The following COL18A1 variants were observed in gnomAD, a reference collection of about 807,000 sequenced individuals.
The protein encoded by COL18A1 is collagen alpha-1(XVIII) chain.
COL18A1 carries 133 observed loss-of-function variants against 168.0 expected under a neutral mutation model. That is an observed-to-expected ratio of 0.79 (90% CI 0.69 to 0.91). The LOEUF (loss-of-function observed/expected upper bound fraction) is 0.91, where lower values mean the gene tolerates loss of function less well. Among genes scored for constraint, COL18A1 ranks in the 40% least tolerant of loss-of-function variants. COL18A1 has a pLI of 0.00. For missense variants in COL18A1, 2,126 were observed against 1,925.4 expected (o/e 1.10, Z -1.95); for synonymous variants, 949 against 809.0 (o/e 1.17, Z -2.94).
intron 1 of COL18A1, 54 bp from the exon 2 acceptor site, chr21:45,405,304 GGTCGCGGGGCTCGGCCGGGTC>G (rs1450997104): frequency 2.6e-4 from 210 of 821,274 alleles, no homozygotes; most frequent in East Asian, 1.2e-3. Flanking sequence ...GGGTCGCGGG[GGTCGCGGGGCTCGGCCGGGTC>G]CTGCGGGGGT....
At chr21:45,430,727 C>T (rs888163516) in intron 2 of COL18A1, among the ~76,000 whole-genome samples, 22 of 152,142 alleles carry the variant, frequency 1.4e-4, no homozygotes, top group African/African-American at 4.6e-4. Context: ...CAGGAGGCTG[C>T]ACTGCAAGGG....
chr21:45,489,708 C>G (rs2036231886), intron 19 of COL18A1, among the ~76,000 whole-genome samples, 187 bp downstream of exon 19: 2 of 151,922 alleles, frequency 1.3e-5, no homozygotes, highest in African/African-American at 4.8e-5. Flanking sequence ...GGCACCCAAC[C>G]CCAGGGCACC....
In COL18A1 at chr21:45,468,965, C is replaced by T. The variant is rs116310358; in HGVS notation, c.651+179C>T. 0.028 allele frequency among the ~76,000 whole-genome samples: 4,206 copies of T among 152,258 alleles called. 206 individuals are homozygous for T. The highest frequency in any genetic ancestry group is 0.096 in the African/African-American group (3,976 of 41,532). On this transcript the variant is annotated intron_variant, in intron 3 of 41. Transcript: ENST00000651438. ...TTCTTGGCTGCTCAGCCCTGGCCTCCGGCGCAGGCCTCCCGGGTTCTTGGC... is the reference window on the plus strand; with the variant it reads ...TTCTTGGCTGCTCAGCCCTGGCCTCTGGCGCAGGCCTCCCGGGTTCTTGGC...
intron 37 of COL18A1, 100 bp downstream of exon 37, chr21:45,506,066 G>A (rs1602622893): frequency 1.3e-6 from 2 of 1,568,446 alleles, no homozygotes; most frequent in South Asian, 1.1e-5. Flanking sequence ...ACAGGGATGG[G>A]AGCAGGTGGC....
intron 2 of COL18A1, among the ~76,000 whole-genome samples, chr21:45,413,233 G>C (rs1477289627): frequency 6.6e-6 from 1 of 152,244 alleles, no homozygotes; most frequent in South Asian, 2.1e-4. Context: ...CACAGCTTTT[G>C]TGCTGCTTCT....
At chr21:45,483,128 G>T (rs2035957658) in intron 15 of COL18A1, among the ~76,000 whole-genome samples, 1 of 152,270 alleles carries the variant, frequency 6.6e-6, no homozygotes, top group Non-Finnish European at 1.5e-5. Flanking sequence ...AGCTCCGTGT[G>T]GCAAGCGCGA....
At chr21:45,500,300 ATG>A (rs1178300620) in intron 32 of COL18A1, among the ~76,000 whole-genome samples, 5 of 24,300 alleles carry the variant, frequency 2.1e-4, no homozygotes, top group Non-Finnish European at 3.7e-4. Context: ...TGGAGTGTAT[ATG>A]TGGGTGTGTA....
intron 2 of COL18A1, among the ~76,000 whole-genome samples, chr21:45,428,586 T>C (rs540475301): frequency 1.9e-4 from 29 of 152,278 alleles, no homozygotes; most frequent in African/African-American, 7.0e-4. Context: ...TCTAGAACAT[T>C]CACACGCCGG....
At chr21:45,495,331 G>A (rs1311425122) in intron 28 of COL18A1, 27 bp from the exon 29 acceptor site, 2 of 1,584,804 alleles carry the variant, frequency 1.3e-6, no homozygotes, top group Non-Finnish European at 1.7e-6. Context: ...GTGCCCAGCA[G>A]TCCCCACCCC....
rs945170424 is a variant in COL18A1 at position 45,477,972 on chromosome 21, C to T, written c.1221+7C>T. ...TGGAAGGGACGGCGAGCCGGTGAGT[C>T]CTCACGTCCCCCCGAGTCCGGCCCG... On this transcript the variant is annotated splice_region_variant and intron_variant, in intron 8 of 41. Transcript: ENST00000651438. 7.0e-7 allele frequency: 1 copy of T among 1,418,564 alleles called. No individual in the cohort carries two copies. Among genetic ancestry groups the T allele is most frequent in the Non-Finnish European group, 9.7e-7 (1 of 1,028,010 alleles). The allele number at this position is 1,418,564 out of a possible 1,614,324, so 87.9% of individuals were successfully genotyped here. A position where few individuals can be genotyped will look rare whatever the true frequency, so the allele number is the denominator to read the frequency against.
Position 45,464,281 on chromosome 21 carries a change from T to A in COL18A1, c.107-3961T>A, listed in dbSNP as rs547569497. ...CCAGGATGGGATTTTGGGGATGAGA[T>A]CTTCCTGGTGGGCTGGAGTCTGTCC... On this transcript the variant is annotated intron_variant, in intron 2 of 41. Coordinates refer to ENST00000651438, the MANE Select transcript of COL18A1 (RefSeq NM_001379500.1). Among the ~76,000 whole-genome samples the A allele has an allele frequency of 3.3e-5, 5 of 152,198 alleles. No individual in the cohort carries two copies. The South Asian group carries it at 1.0e-3, about 32-fold the overall frequency.
At position 45,491,240 on chromosome 21, in the gene COL18A1, G is replaced by T. The variant is rs1281494776; in HGVS notation, c.2083G>T (p.Asp695Tyr). Residue 695 changes from aspartate to tyrosine, a missense_variant, in exon 22 of 42, where the codon GAC becomes TAC. Transcript: ENST00000651438. ...SRGEKGDPGK[D>Y]GVGQPGLPGP... Reference sequence around the variant, plus strand: ...CCTCTTCCAGGGAGATCCAGGGAAGGACGGAGTCGGGCAGCCGGGCCTCCC... The same window carrying T: ...CCTCTTCCAGGGAGATCCAGGGAAGTACGGAGTCGGGCAGCCGGGCCTCCC... 1 of 1,612,408 alleles carries T rather than the reference G, an allele frequency of 6.2e-7. No individual in the cohort carries two copies. Among genetic ancestry groups the T allele is most frequent in the Non-Finnish European group, 8.5e-7 (1 of 1,179,680 alleles).
Position 45,510,211 on chromosome 21 carries a change from A to G in COL18A1, c.3643A>G (p.Ser1215Gly). ...FLSSRLQDLYSIVRRADRAAV... is the reference protein window; with the variant it reads ...FLSSRLQDLYGIVRRADRAAV... The stretch of plus-strand genomic sequence containing the variant: ...GTCCTCGCGCCTGCAGGACCTGTAC[A>G]GCATCGTGCGCCGTGCCGACCGCGC... The change falls in exon 40 of 42, where the codon AGC (serine) becomes GGC (glycine). Residue 1215 changes from serine (S) to glycine (G), a missense_variant. By Grantham distance (56) the Ser-to-Gly change is moderately conservative (BLOSUM62 0). Coordinates refer to ENST00000651438, the MANE Select transcript of COL18A1 (RefSeq NM_001379500.1). The G allele has an allele frequency of 6.2e-7, 1 of 1,605,652 alleles. No homozygotes were observed. Among genetic ancestry groups the G allele is most frequent in the South Asian group, 1.1e-5 (1 of 89,846 alleles).
chr21:45,447,650 A>C (rs1280853412), intron 2 of COL18A1, among the ~76,000 whole-genome samples: 1 of 152,166 alleles, frequency 6.6e-6, no homozygotes, highest in Non-Finnish European at 1.5e-5. Flanking sequence ...CCAATACTTA[A>C]ATTGAATTTC....
Position 45,480,166 on chromosome 21 carries a change from G to A in COL18A1, c.1398+10G>A, listed in dbSNP as rs745351892. On this transcript the variant is annotated intron_variant, in intron 11 of 41. Coordinates refer to ENST00000651438, the MANE Select transcript of COL18A1 (RefSeq NM_001379500.1). ...CAGACACGACAAGCTGGTAAGTCCC[G>A]CCCTTGGCTTCCTGCGACCCGGGGT... 22 of 1,507,946 alleles carry A rather than the reference G, an allele frequency of 1.5e-5. No homozygotes were observed. The highest frequency in any genetic ancestry group is 5.7e-5 in the South Asian group (5 of 88,206). 93.4% of individuals were successfully genotyped at this position (1,507,946 alleles called of 1,614,324 possible).
chr21:45,495,097 C>T (rs913107321), intron 28 of COL18A1, 182 bp downstream of exon 28: 18 of 666,112 alleles, frequency 2.7e-5, no homozygotes, highest in African/African-American at 7.2e-5. Flanking sequence ...CAGTACCCCA[C>T]GAGGGGCCAG....
At chr21:45,437,288 G>A (rs2034151974) in intron 2 of COL18A1, among the ~76,000 whole-genome samples, 1 of 86,056 alleles carries the variant, frequency 1.2e-5, no homozygotes, top group African/African-American at 5.7e-5. Context: ...GCACTCTCCT[G>A]CACACACACA....
intron 2 of COL18A1, among the ~76,000 whole-genome samples, chr21:45,460,568 G>T (rs987295910): frequency 6.6e-6 from 1 of 152,194 alleles, no homozygotes; most frequent in South Asian, 2.1e-4. Context: ...TACCCCATGG[G>T]CCAGCCACTG....
chr21:45,468,142 T>G, intron 2 of COL18A1, 100 bp from the exon 3 acceptor site: 1 of 1,320,682 alleles, frequency 7.6e-7, no homozygotes, highest in Non-Finnish European at 1.1e-6. Context: ...CAGACTCAGT[T>G]TCTCCTTTCT....
Sources: gnomAD v4.1 joint callset for allele counts (sites outside exome capture counted in the v4.1 genomes callset) on GRCh38, gnomAD v4.1.1 for gene constraint, MANE v1.5 for transcripts, NCBI Gene and HGNC (gene_info 2026-07-23, HGNC 2026-07-21) for gene names.